Variants in KCNIP4 observed in about 807,000 individuals in gnomAD.
The protein encoded by KCNIP4 is Kv channel-interacting protein 4.
In KCNIP4, 12 loss-of-function variants were observed where a neutral mutation model predicts 34.0. The observed-to-expected ratio is 0.35, with a 90% CI of 0.23 to 0.57. The LOEUF (loss-of-function observed/expected upper bound fraction) is 0.57. Among genes scored for constraint, KCNIP4 ranks in the 20% least tolerant of loss-of-function variants. The probability of loss-of-function intolerance (pLI) is 0.83; values close to 1 mark genes in which losing one functional copy is unlikely to be tolerated. For missense variants in KCNIP4, 238 were observed against 311.7 expected (o/e 0.76, Z 1.78); for synonymous variants, 124 against 102.2 (o/e 1.21, Z -1.29).
chr4:21,075,051 C>T (rs994411844), intron 1 of KCNIP4, among the ~76,000 whole-genome samples: 4 of 152,174 alleles, frequency 2.6e-5, no homozygotes, highest in Non-Finnish European at 5.9e-5. Flanking sequence ...GAGAGCTTTA[C>T]TTCCAACTAT....
intron 1 of KCNIP4, among the ~76,000 whole-genome samples, chr4:21,622,422 A>G (rs1413533050): frequency 1.3e-5 from 2 of 152,326 alleles, no homozygotes; most frequent in Admixed American, 6.5e-5. Context: ...TTTATTAAAT[A>G]TATGTGTTCT....
chr4:21,136,682 C>T (rs34878637), intron 1 of KCNIP4, among the ~76,000 whole-genome samples: 4 of 152,066 alleles, frequency 2.6e-5, no homozygotes, highest in African/African-American at 4.8e-5. Context: ...GGGAGTCCTC[C>T]TCCAGTCCAA....
At chr4:21,558,772 T>C (rs1739281077) in intron 1 of KCNIP4, among the ~76,000 whole-genome samples, 1 of 152,138 alleles carries the variant, frequency 6.6e-6, no homozygotes, top group South Asian at 2.1e-4. Context: ...CTAATTGAAA[T>C]GTGAAGCAAA....
Position 21,631,972 on chromosome 4 carries a change from A to G in KCNIP4, c.61+316599T>C, listed in dbSNP as rs185856105. On this transcript the variant is annotated intron_variant, in intron 1 of 8. Coordinates refer to ENST00000382152, the MANE Select transcript of KCNIP4 (RefSeq NM_025221.6). The stretch of plus-strand genomic sequence containing the variant: ...TCACCCTTGCTCTAACTTCCCATCC[A>G]TTAAGAATTATGCCATCTTTTATCA... Among the ~76,000 whole-genome samples the G allele has an allele frequency of 2.0e-3, 311 of 152,320 alleles. 1 individual carries two copies. The highest frequency in any genetic ancestry group is 3.4e-3 in the Middle Eastern group (1 of 294).
intron 1 of KCNIP4, among the ~76,000 whole-genome samples, chr4:21,390,124 C>T (rs1722430767): frequency 1.3e-5 from 2 of 151,928 alleles, no homozygotes; most frequent in African/African-American, 4.8e-5. Context: ...CTGTTCATAT[C>T]CTTTGCCCAA....
chr4:21,856,155 A>G (rs1241054001), intron 1 of KCNIP4, among the ~76,000 whole-genome samples: 1 of 152,102 alleles, frequency 6.6e-6, no homozygotes, highest in Non-Finnish European at 1.5e-5. Flanking sequence ...GTCATTTATC[A>G]TGGTGCTGAT....
At chr4:21,821,218 T>C (rs1722334921) in intron 1 of KCNIP4, among the ~76,000 whole-genome samples, 1 of 152,128 alleles carries the variant, frequency 6.6e-6, no homozygotes, top group African/African-American at 2.4e-5. Flanking sequence ...CAGGCAATTG[T>C]CTTGTATGTC....
chr4:21,929,025 A>G (rs1044334178), intron 1 of KCNIP4, among the ~76,000 whole-genome samples: 4 of 152,150 alleles, frequency 2.6e-5, no homozygotes, highest in Admixed American at 2.0e-4. Context: ...AGTATTCAGC[A>G]CTTAGGAGGA....
chr4:20,748,882 A>ATGTGTG lies in KCNIP4; in HGVS notation c.429+774_429+779dup, dbSNP rs139805656. The stretch of plus-strand genomic sequence containing the variant: ...TCATATGAATTACGTGTGTGTGTGT[A>ATGTGTG]TGTGTGTGTGTGTATATATATATAT... On this transcript the variant is annotated intron_variant, in intron 5 of 8. Transcript: ENST00000382152. 1.5e-4 allele frequency among the ~76,000 whole-genome samples: 22 copies of ATGTGTG among 144,432 alleles called. 1 individual carries two copies. In the South Asian group the frequency reaches 3.5e-3, roughly 23 times the overall value. 94.8% of individuals were successfully genotyped at this position (144,432 alleles called of 152,430 possible).
chr4:21,110,822 G>A (rs1380404213), intron 1 of KCNIP4, among the ~76,000 whole-genome samples: 1 of 152,118 alleles, frequency 6.6e-6, no homozygotes, highest in Non-Finnish European at 1.5e-5. Flanking sequence ...ACCAGACCCT[G>A]AATCTTCGAG....
intron 1 of KCNIP4, among the ~76,000 whole-genome samples, chr4:21,547,960 A>C (rs148760294): frequency 6.6e-6 from 1 of 152,142 alleles, no homozygotes; most frequent in East Asian, 1.9e-4. Flanking sequence ...AATCTCAACC[A>C]CCCATGTGGA....
At chr4:20,919,702 CAAAAAAAAAA>C (rs573617142) in intron 1 of KCNIP4, among the ~76,000 whole-genome samples, 1 of 57,252 alleles carries the variant, frequency 1.7e-5, no homozygotes, top group Non-Finnish European at 3.9e-5. Flanking sequence ...GACTCCGTCT[CAAAAAAAAAA>C]AAAAAAAAAA....
intron 1 of KCNIP4, among the ~76,000 whole-genome samples, chr4:21,258,803 T>C (rs1043047570): frequency 9.9e-5 from 15 of 152,178 alleles, no homozygotes; most frequent in Non-Finnish European, 4.4e-5. Context: ...GTACCCATGA[T>C]AATAATGAAA....
intron 1 of KCNIP4, among the ~76,000 whole-genome samples, chr4:21,624,090 T>G (rs1025795050): frequency 6.6e-6 from 1 of 152,064 alleles, no homozygotes; most frequent in Non-Finnish European, 1.5e-5. Context: ...CAAGAGGCAA[T>G]GTACTACAAT....
chr4:21,249,562 A>G (rs958675484), intron 1 of KCNIP4, among the ~76,000 whole-genome samples: 1 of 152,116 alleles, frequency 6.6e-6, no homozygotes, highest in Non-Finnish European at 1.5e-5. Context: ...GAAATAATGT[A>G]TATCAAGTGC....
intron 1 of KCNIP4, among the ~76,000 whole-genome samples, chr4:20,899,133 G>A (rs1011736508): frequency 6.6e-6 from 1 of 152,160 alleles, no homozygotes; most frequent in Non-Finnish European, 1.5e-5. Flanking sequence ...TGATGTGCCA[G>A]TGTTATCTAC....
At chr4:21,813,587 C>T (rs1049335725) in intron 1 of KCNIP4, among the ~76,000 whole-genome samples, 9 of 151,862 alleles carry the variant, frequency 5.9e-5, no homozygotes, top group East Asian at 1.9e-4. Context: ...TAAATGAGTA[C>T]AAAACCATAA....
intron 1 of KCNIP4, among the ~76,000 whole-genome samples, chr4:21,043,152 T>G (rs1026972683): frequency 6.6e-6 from 1 of 150,578 alleles, no homozygotes; most frequent in Non-Finnish European, 1.5e-5. Flanking sequence ...GAAACCAGGT[T>G]GTCAAGAAAG....
At chr4:21,723,810 A>AT (rs1714998444) in intron 1 of KCNIP4, among the ~76,000 whole-genome samples, 1 of 152,076 alleles carries the variant, frequency 6.6e-6, no homozygotes, top group African/African-American at 2.4e-5. Context: ...TTTAATACAA[A>AT]TGAGTCTGGA....
Sources: allele counts gnomAD v4.1 joint callset (sites outside exome capture counted in the v4.1 genomes callset), GRCh38; gene constraint gnomAD v4.1.1; transcripts MANE v1.5; gene names NCBI Gene and HGNC (gene_info 2026-07-23, HGNC 2026-07-21).